EYA2: variants seen among roughly 807,000 people sequenced by gnomAD.
EYA2 encodes protein phosphatase EYA2.
In EYA2, 31 loss-of-function variants were observed where a neutral mutation model predicts 69.2. The ratio of observed to expected loss-of-function variants is 0.45; its 90% CI spans 0.34 to 0.60. The LOEUF is 0.60. Ranked by LOEUF, EYA2 falls within the 20% of genes least tolerant of loss-of-function variation. The pLI, the probability that EYA2 is intolerant of heterozygous loss-of-function variation, is 0.02. For missense variants in EYA2, 622 were observed against 701.2 expected, an observed-to-expected ratio of 0.89 and a Z score of 1.28; for synonymous variants, 257 against 279.4, an observed-to-expected ratio of 0.92 and a Z score of 0.80.
intron 1 of EYA2, among the ~76,000 whole-genome samples, 187 bp downstream of exon 1, chr20:46,895,174 G>T (rs1181748938): frequency 6.6e-6 from 1 of 152,236 alleles, no homozygotes; most frequent in Non-Finnish European, 1.5e-5. Context: ...GGGCAGAGGG[G>T]ACAGCAGCAG....
At chr20:47,001,368 C>T (rs1982357924) in intron 2 of EYA2, 60 bp from the exon 3 acceptor site, 1 of 1,485,996 alleles carries the variant, frequency 6.7e-7, no homozygotes, top group South Asian at 1.1e-5. Flanking sequence ...GAAGTCACCA[C>T]CTCTGCAGAA....
chr20:46,934,112 C>T (rs1985796167), intron 1 of EYA2, among the ~76,000 whole-genome samples: 1 of 152,214 alleles, frequency 6.6e-6, no homozygotes, highest in Admixed American at 6.5e-5. Flanking sequence ...CTCGGAGGCA[C>T]TGACAGTGGA....
chr20:47,168,948 A>G (rs2034261922), intron 10 of EYA2, among the ~76,000 whole-genome samples, 191 bp from the exon 11 acceptor site: 1 of 152,164 alleles, frequency 6.6e-6, no homozygotes, highest in East Asian at 1.9e-4. Context: ...AACCAAACAG[A>G]CAAAGAGGAT....
chr20:46,958,914 G>A (rs554594166), intron 1 of EYA2, among the ~76,000 whole-genome samples: 7 of 152,324 alleles, frequency 4.6e-5, no homozygotes, highest in South Asian at 2.1e-4. Context: ...TGGTGGATAC[G>A]TACCACATTT....
Position 47,188,214 on chromosome 20 carries a change from A to T in EYA2, c.*81A>T. On this transcript the variant is annotated 3_prime_UTR_variant, in exon 16 of 16. Coordinates refer to ENST00000327619, the MANE Select transcript of EYA2 (RefSeq NM_005244.5). The stretch of plus-strand genomic sequence containing the variant: ...CACCTCCCCACCGAGAACTCCAGAG[A>T]CCCAGATGTTGGACACCAGGAAGGG... 4 of 1,392,350 alleles carry T rather than the reference A, an allele frequency of 2.9e-6. No individual in the cohort carries two copies. The South Asian group carries it at 4.9e-5, about 17-fold the overall frequency. The allele number at this position is 1,392,350 out of a possible 1,614,324, so 86.2% of individuals were successfully genotyped here. A position where few individuals can be genotyped will look rare whatever the true frequency, so the allele number is the denominator to read the frequency against.
At chr20:47,170,471 A>AC (rs1241764684) in intron 11 of EYA2, among the ~76,000 whole-genome samples, 2 of 151,656 alleles carry the variant, frequency 1.3e-5, no homozygotes, top group African/African-American at 2.4e-5. Context: ...ACACAGTGAA[A>AC]CCCCATCTCT....
intron 15 of EYA2, among the ~76,000 whole-genome samples, chr20:47,184,711 G>A (rs748574922): frequency 5.9e-5 from 9 of 151,930 alleles, no homozygotes; most frequent in South Asian, 2.1e-4. Flanking sequence ...GCATGTGCCC[G>A]GCCACACCCC....
At chr20:47,079,883 CTCATAT>C in intron 7 of EYA2, among the ~76,000 whole-genome samples, 1 of 152,038 alleles carries the variant, frequency 6.6e-6, no homozygotes, top group African/African-American at 2.4e-5. Context: ...CCCATATTTA[CTCATAT>C]TCCATAAGGA....
At chr20:46,919,152 A>G (rs1339920620) in intron 1 of EYA2, among the ~76,000 whole-genome samples, 1 of 152,270 alleles carries the variant, frequency 6.6e-6, no homozygotes, top group African/African-American at 2.4e-5. Flanking sequence ...TAGATTTAAC[A>G]TCATTCTTAA....
chr20:47,186,113 A>G (rs1353662399), intron 15 of EYA2, among the ~76,000 whole-genome samples: 1 of 152,020 alleles, frequency 6.6e-6, no homozygotes, highest in Non-Finnish European at 1.5e-5. Flanking sequence ...TTTCTACCCT[A>G]TCTCATTCTG....
chr20:47,102,152 A>G (rs2032440797), intron 9 of EYA2, among the ~76,000 whole-genome samples: 1 of 152,190 alleles, frequency 6.6e-6, no homozygotes, highest in Non-Finnish European at 1.5e-5. Context: ...ACTCCCTCTC[A>G]GCAATCCCAA....
intron 7 of EYA2, among the ~76,000 whole-genome samples, chr20:47,080,840 C>T (rs1016527239): frequency 6.6e-6 from 1 of 152,166 alleles, no homozygotes; most frequent in Non-Finnish European, 1.5e-5. Flanking sequence ...TTGCGAGACT[C>T]GTTCACTATC....
chr20:46,990,566 T>G (rs1348627238), intron 2 of EYA2, among the ~76,000 whole-genome samples: 2 of 152,196 alleles, frequency 1.3e-5, no homozygotes, highest in Non-Finnish European at 2.9e-5. Flanking sequence ...TGCTTTCAGG[T>G]CGGGTTGGAG....
At chr20:47,004,726 A>C (rs1982596202) in intron 3 of EYA2, 1 of 644,330 alleles carries the variant, frequency 1.6e-6, no homozygotes, top group African/African-American at 1.8e-5. Context: ...GGCTGAACCC[A>C]GTCACACGGC....
chr20:47,176,224 C>G (rs1472944103), intron 12 of EYA2, among the ~76,000 whole-genome samples: 2 of 151,844 alleles, frequency 1.3e-5, no homozygotes, highest in African/African-American at 4.8e-5. Flanking sequence ...GGATTACAGG[C>G]ACATGCCACC....
At chr20:47,135,827 A>AAAAAAAAC (rs2033451705) in intron 9 of EYA2, among the ~76,000 whole-genome samples, 1 of 87,494 alleles carries the variant, frequency 1.1e-5, no homozygotes, top group Non-Finnish European at 2.1e-5. Flanking sequence ...ACAAAAAAAA[A>AAAAAAAAC]AAAAAAAAAA....
At chr20:47,021,401 C>A (rs1350907399) in intron 5 of EYA2, among the ~76,000 whole-genome samples, 1 of 151,852 alleles carries the variant, frequency 6.6e-6, no homozygotes, top group Admixed American at 6.6e-5. Context: ...CTGAGGCGGG[C>A]GGATCATCTG....
intron 1 of EYA2, among the ~76,000 whole-genome samples, chr20:46,937,246 A>G (rs1416279335): frequency 6.6e-6 from 1 of 152,214 alleles, no homozygotes; most frequent in East Asian, 1.9e-4. Flanking sequence ...GGAGTTTATA[A>G]TCGTCATACA....
At chr20:47,126,293 A>T (rs1477156500) in intron 9 of EYA2, among the ~76,000 whole-genome samples, 2 of 152,338 alleles carry the variant, frequency 1.3e-5, no homozygotes, top group East Asian at 3.9e-4. Context: ...CGATTCTGTG[A>T]ACAAGGATGA....
Sources: gnomAD v4.1 joint callset for allele counts (sites outside exome capture counted in the v4.1 genomes callset) on GRCh38, gnomAD v4.1.1 for gene constraint, MANE v1.5 for transcripts, NCBI Gene and HGNC (gene_info 2026-07-23, HGNC 2026-07-21) for gene names.